The following PDK1 variants were observed in gnomAD, a reference collection of about 807,000 sequenced individuals.
PDK1 encodes pyruvate dehydrogenase kinase 1.
PDK1 carries 39 observed loss-of-function variants against 54.2 expected under a neutral mutation model. The ratio of observed to expected loss-of-function variants is 0.72; its 90% CI spans 0.56 to 0.94. PDK1 has a LOEUF of 0.94. PDK1 is among the 40% of genes least tolerant of loss of function. The probability of loss-of-function intolerance (pLI) is 0.00; values close to 1 mark genes in which losing one functional copy is unlikely to be tolerated. For synonymous variants in PDK1, 221 were observed against 207.1 expected, an observed-to-expected ratio of 1.07 and a Z score of -0.58; for missense variants, 552 against 566.0, an observed-to-expected ratio of 0.98 and a Z score of 0.25.
At chr2:172,668,894 C>CAT in the PDK1 span, among the ~76,000 whole-genome samples, 5 of 113,190 alleles carry the variant, frequency 4.4e-5, no homozygotes, top group African/African-American at 1.5e-4. Context: ...CACACACACA[C>CAT]ATATATATAT....
At chr2:172,579,525 C>CTTTTTTT (rs10660737) in intron 8 of PDK1, among the ~76,000 whole-genome samples, 7 of 122,552 alleles carry the variant, frequency 5.7e-5, no homozygotes, top group African/African-American at 9.4e-5. Context: ...CCCGCTCTTT[C>CTTTTTTT]TTTTTTTTTT....
the PDK1 span, among the ~76,000 whole-genome samples, chr2:172,686,782 C>G: frequency 2.0e-5 from 3 of 152,166 alleles, no homozygotes; most frequent in African/African-American, 7.2e-5. Context: ...AGGAACACAC[C>G]AGAAAGAACC....
chr2:172,642,051 G>A, the PDK1 span, among the ~76,000 whole-genome samples: 20 of 152,268 alleles, frequency 1.3e-4, no homozygotes, highest in African/African-American at 4.6e-4. Flanking sequence ...AGAGATGTTT[G>A]AGTTTGAGTG....
intron 10 of PDK1, 141 bp downstream of exon 10, chr2:172,593,189 A>G (rs537883117): frequency 2.1e-6 from 1 of 467,724 alleles, no homozygotes; most frequent in African/African-American, 2.0e-5. Context: ...GATCTCACCC[A>G]TTTTGATAGA....
chr2:172,611,055 TTGTG>T (rs1417745437), downstream of PDK1, among the ~76,000 whole-genome samples: 1 of 152,228 alleles, frequency 6.6e-6, no homozygotes, highest in African/African-American at 2.4e-5. Flanking sequence ...AGTGAAATAT[TTGTG>T]TGGATCTTGG....
chr2:172,683,190 CA>C, the PDK1 span, among the ~76,000 whole-genome samples: 55 of 151,698 alleles, frequency 3.6e-4, no homozygotes, highest in Non-Finnish European at 7.2e-4. Context: ...ACTAAAAATA[CA>C]AAAAAATTAG....
the PDK1 span, among the ~76,000 whole-genome samples, chr2:172,655,202 G>C: frequency 3.9e-5 from 6 of 152,188 alleles, no homozygotes; most frequent in Non-Finnish European, 8.8e-5. Context: ...CTCCCATTTT[G>C]TGGTCTGGAT....
At chr2:172,584,832 T>G (rs1236969227) in intron 8 of PDK1, among the ~76,000 whole-genome samples, 3 of 134,992 alleles carry the variant, frequency 2.2e-5, no homozygotes, top group Non-Finnish European at 4.8e-5. Context: ...ATTTTAAAGT[T>G]TTTTTTTTTT....
intron 8 of PDK1, among the ~76,000 whole-genome samples, chr2:172,577,125 CTGTT>C (rs1429921077): frequency 6.6e-6 from 1 of 152,064 alleles, no homozygotes; most frequent in Non-Finnish European, 1.5e-5. Flanking sequence ...TTTTGGAGCT[CTGTT>C]GAGTACATAT....
At position 172,608,669 on chromosome 2, in the gene PDK1, A is replaced by T. The variant is rs1412856560; in HGVS notation, c.*12700A>T. 2 of 152,068 alleles carry T rather than the reference A, an allele frequency of 1.3e-5. No individual in the cohort carries two copies. 9.4% of individuals were successfully genotyped at this position (152,068 alleles called of 1,614,324 possible). ...ATTAAAATCCTGCATGTTCTCCTGC[A>T]TCATATGTCACTCATTTTTGTGTGA... On this transcript the variant is annotated 3_prime_UTR_variant, in exon 11 of 11. Coordinates refer to ENST00000282077, the MANE Select transcript of PDK1 (RefSeq NM_002610.5).
chr2:172,611,949 A>T (rs1691476277), downstream of PDK1, among the ~76,000 whole-genome samples: 2 of 152,258 alleles, frequency 1.3e-5, no homozygotes, highest in African/African-American at 4.8e-5. Context: ...ATACTTTTTC[A>T]TATCTCACCT....
chr2:172,700,296 C>T, the PDK1 span, among the ~76,000 whole-genome samples: 3 of 151,720 alleles, frequency 2.0e-5, no homozygotes, highest in African/African-American at 7.3e-5. Flanking sequence ...GGGTGGCGGC[C>T]GGGCAGAGGG....
chr2:172,622,381 GAT>G, the PDK1 span, among the ~76,000 whole-genome samples: 2 of 146,136 alleles, frequency 1.4e-5, no homozygotes, highest in Admixed American at 6.8e-5. Flanking sequence ...TATTATGTGA[GAT>G]ATGTTTATAT....
At chr2:172,588,232 A>G (rs1690370609) in intron 9 of PDK1, among the ~76,000 whole-genome samples, 1 of 152,352 alleles carries the variant, frequency 6.6e-6, no homozygotes, top group Non-Finnish European at 1.5e-5. Context: ...TATCCTAAAA[A>G]GTAGAGGGAT....
the PDK1 span, among the ~76,000 whole-genome samples, chr2:172,701,869 T>C: frequency 6.6e-6 from 1 of 152,308 alleles, no homozygotes; most frequent in Non-Finnish European, 1.5e-5. Context: ...CATATGTCTG[T>C]TTTAGCTGAA....
Position 172,603,433 on chromosome 2 carries a change from G to A in PDK1, c.*7464G>A, listed in dbSNP as rs1691180820. The A allele has an allele frequency of 6.6e-6, 1 of 152,148 alleles. No individual in the cohort carries two copies. The highest frequency in any genetic ancestry group is 2.1e-4 in the South Asian group (1 of 4,824). 9.4% of individuals were successfully genotyped at this position (152,148 alleles called of 1,614,324 possible). A position where few individuals can be genotyped will look rare whatever the true frequency, so the allele number is the denominator to read the frequency against. ...ATAACTAGTGGAAATCCTGATAATT[G>A]GCTAATGCAAGGAAGTGATACCCAT... On this transcript the variant is annotated 3_prime_UTR_variant, in exon 11 of 11. Coordinates refer to ENST00000282077, the MANE Select transcript of PDK1 (RefSeq NM_002610.5).
chr2:172,689,744 TGGGC>T, the PDK1 span, among the ~76,000 whole-genome samples: 6 of 151,102 alleles, frequency 4.0e-5, no homozygotes, highest in East Asian at 2.0e-4. Flanking sequence ...AAACAAGAAA[TGGGC>T]AAAAGATTCT....
the PDK1 span, among the ~76,000 whole-genome samples, chr2:172,658,556 G>A: frequency 6.6e-6 from 1 of 152,152 alleles, no homozygotes; most frequent in Non-Finnish European, 1.5e-5. Context: ...TGCCTGCAGG[G>A]TTGGGCAAAA....
At chr2:172,570,935 G>A (rs2149232593) in intron 8 of PDK1, 111 bp downstream of exon 8, 1 of 622,880 alleles carries the variant, frequency 1.6e-6, no homozygotes, top group Non-Finnish European at 2.8e-6. Context: ...ACTCTCAGGG[G>A]AAAAGAATCT....
Sources: allele counts gnomAD v4.1 joint callset (sites outside exome capture counted in the v4.1 genomes callset), GRCh38; gene constraint gnomAD v4.1.1; transcripts MANE v1.5; gene names NCBI Gene and HGNC (gene_info 2026-07-23, HGNC 2026-07-21).